Variants in AP5Z1 observed in about 807,000 individuals in gnomAD.
The protein encoded by AP5Z1 is AP-5 complex subunit zeta-1.
AP5Z1 carries 106 observed loss-of-function variants against 83.0 expected under a neutral mutation model. The observed-to-expected ratio is 1.28, with a 90% CI of 1.09 to 1.50. The LOEUF (loss-of-function observed/expected upper bound fraction) is 1.50, where lower values mean the gene tolerates loss of function less well. Ranked by LOEUF, AP5Z1 falls within the 40% of genes most tolerant of loss-of-function variation. The probability of loss-of-function intolerance (pLI) is 0.00; values close to 1 mark genes in which losing one functional copy is unlikely to be tolerated. For synonymous variants in AP5Z1, 751 were observed against 514.1 expected (o/e 1.46, Z -6.23); for missense variants, 1,565 against 1,094.2 (o/e 1.43, Z -6.07).
At position 4,783,805 on chromosome 7, in the gene AP5Z1, C is replaced by A; in HGVS notation, c.621+7C>A. 4 of 1,546,018 alleles carry A rather than the reference C, an allele frequency of 2.6e-6. No individual in the cohort carries two copies. The highest frequency in any genetic ancestry group is 3.5e-6 in the Non-Finnish European group (4 of 1,146,556). ...CACGCCCAGGGCCCGGCAGGTGAGG[C>A]TGGGACTGTTCTGGAACCATGGGGA... On this transcript the variant is annotated splice_region_variant and intron_variant, in intron 5 of 16. Transcript: ENST00000649063.
chr7:4,784,663 A>G (rs1208748719), intron 6 of AP5Z1, among the ~76,000 whole-genome samples: 1 of 152,106 alleles, frequency 6.6e-6, no homozygotes, highest in Non-Finnish European at 1.5e-5. Context: ...AGGTTGTTGG[A>G]GTGACGCCAC....
intron 1 of AP5Z1, among the ~76,000 whole-genome samples, chr7:4,777,353 C>CTTCATTTATTTA (rs369481207): frequency 4.7e-5 from 7 of 148,952 alleles, no homozygotes; most frequent in African/African-American, 1.8e-4. Flanking sequence ...GAAGAGCCCT[C>CTTCATTTATTTA]TTTATTTATT....
intron 1 of AP5Z1, among the ~76,000 whole-genome samples, chr7:4,780,681 G>A (rs559120271): frequency 2.7e-4 from 41 of 152,272 alleles, no homozygotes; most frequent in African/African-American, 9.6e-4. Context: ...CAGGAGAATT[G>A]CTTGAACCCC....
At position 4,787,857 on chromosome 7, in the gene AP5Z1, A is replaced by T. The variant is rs537920725; in HGVS notation, c.1454+81A>T. ...CTGGGCCCCCTCCTCGCTGCTCCTG[A>T]CCCCTACACCGGGGACCCTCCTTCT... On this transcript the variant is annotated intron_variant, in intron 11 of 16. Transcript: ENST00000649063. 8.7e-5 allele frequency: 125 copies of T among 1,440,686 alleles called. No individual in the cohort carries two copies. In the South Asian group the frequency reaches 1.5e-3, roughly 18 times the overall value. The allele number at this position is 1,440,686 out of a possible 1,614,324, so 89.2% of individuals were successfully genotyped here. A position where few individuals can be genotyped will look rare whatever the true frequency, so the allele number is the denominator to read the frequency against.
Position 4,790,577 on chromosome 7 carries a change from C to T in AP5Z1, c.1924C>T (p.Leu642Phe). Residue 642 changes from leucine (L) to phenylalanine (F), a missense_variant, in exon 15 of 17, where the codon CTC (leucine) becomes TTC (phenylalanine). Physicochemically the swap from Leu to Phe is conservative, Grantham distance 22. Coordinates refer to ENST00000649063, the MANE Select transcript of AP5Z1 (RefSeq NM_014855.3). ...GAATGGTCTCTGCAGCAGGGCGAGC[C>T]TCGTCACCAGCGTGGTAAGGCGGGC... ...SVNGLCSRASLVTSVVWAIGE... is the reference protein window; with the variant it reads ...SVNGLCSRASFVTSVVWAIGE... 6.2e-7 allele frequency: 1 copy of T among 1,613,048 alleles called. No homozygotes were observed. Among genetic ancestry groups the T allele is most frequent in the Non-Finnish European group, 8.5e-7 (1 of 1,179,858 alleles).
chr7:4,790,924 C>T (rs1562415234), intron 16 of AP5Z1, 37 bp downstream of exon 16: 3 of 1,546,014 alleles, frequency 1.9e-6, no homozygotes, highest in Non-Finnish European at 1.7e-6. Context: ...CTTCTGGCTC[C>T]TGGGGAAGAG....
rs755238205 is a variant in AP5Z1 at position 4,786,340 on chromosome 7, T to C, written c.1223T>C (p.Phe408Ser). Residue 408 changes from phenylalanine (F) to serine (S), a missense_variant, in exon 10 of 17, where the codon TTT becomes TCT. Phe to Ser is a radical substitution (Grantham distance 155). Coordinates refer to ENST00000649063, the MANE Select transcript of AP5Z1 (RefSeq NM_014855.3). ...CAGTTCCACAGCCCCATGCTGGCCTTTGAATTCATCCAGTTCTGCAGGGAC... is the reference window on the plus strand; with the variant it reads ...CAGTTCCACAGCCCCATGCTGGCCTCTGAATTCATCCAGTTCTGCAGGGAC... Reference protein sequence around the residue: ...VEQFHSPMLAFEFIQFCRDNL... With the variant: ...VEQFHSPMLASEFIQFCRDNL... 3.1e-6 allele frequency: 5 copies of C among 1,613,878 alleles called. No individual in the cohort carries two copies. Among genetic ancestry groups the C allele is most frequent in the South Asian group, 2.2e-5 (2 of 91,092 alleles).
rs755965893 is a variant in AP5Z1 at position 4,790,864 on chromosome 7, C to A, written c.2130C>A (p.Ser710=). ...TGACCACGCTGACGAAGCTGGCCTC[C>A]CGGAGCCAAGATCTGATCCCCAGGT... ...VLMTTLTKLA[S]RSQDLIPRAS... Residue 710 remains serine (S), a synonymous_variant, in exon 16 of 17, where the codon TCC becomes TCA. Coordinates refer to ENST00000649063, the MANE Select transcript of AP5Z1 (RefSeq NM_014855.3). 52 of 1,605,966 alleles carry A rather than the reference C, an allele frequency of 3.2e-5. No individual in the cohort carries two copies. The highest frequency in any genetic ancestry group is 4.1e-5 in the Non-Finnish European group (48 of 1,177,422).
At position 4,785,408 on chromosome 7, in the gene AP5Z1, C is replaced by G. The variant is rs772427804; in HGVS notation, c.932-7C>G. The G allele has an allele frequency of 6.2e-7, 1 of 1,612,774 alleles. No homozygotes were observed. Among genetic ancestry groups the G allele is most frequent in the Non-Finnish European group, 8.5e-7 (1 of 1,179,424 alleles). ...CAGAGCCGGCTGACTTTTTCCCCTC[C>G]TTCCAGGAGCCCTGAGGAAGGGGGA... On this transcript the variant is annotated splice_polypyrimidine_tract_variant and splice_region_variant and intron_variant, in intron 7 of 16. Transcript: ENST00000649063.
In AP5Z1 at chr7:4,789,218, G is replaced by A. The variant is rs565179492; in HGVS notation, c.1707+267G>A. ...CGGCAGGCCACGTCCCCCAATCCCC[G>A]TCCCATCCCCTTCATCCCGGCAGGT... On this transcript the variant is annotated intron_variant, in intron 13 of 16. Coordinates refer to ENST00000649063, the MANE Select transcript of AP5Z1 (RefSeq NM_014855.3). Among the ~76,000 whole-genome samples, 276 of 128,468 alleles carry A rather than the reference G, an allele frequency of 2.1e-3. 1 individual carries two copies. The highest frequency in any genetic ancestry group is 3.9e-3 in the Middle Eastern group (1 of 258). 84.3% of individuals were successfully genotyped at this position (128,468 alleles called of 152,430 possible).
chr7:4,781,714 G>A lies in AP5Z1; in HGVS notation c.326G>A (p.Ser109Asn), dbSNP rs1319923385. ...LSLAWDHTQNSRQLSLVASVL... is the reference protein window; with the variant it reads ...LSLAWDHTQNNRQLSLVASVL... ...CTGGCCTGGGACCACACGCAGAACA[G>A]CCGGCAGCTGAGCCTGGTGGCCTCC... Residue 109 changes from serine to asparagine, a missense_variant, in exon 3 of 17, where the codon AGC (serine) becomes AAC (asparagine). Physicochemically the swap from Ser to Asn is conservative, Grantham distance 46 (BLOSUM62 1). Coordinates refer to ENST00000649063, the MANE Select transcript of AP5Z1 (RefSeq NM_014855.3). 11 of 1,582,836 alleles carry A rather than the reference G, an allele frequency of 6.9e-6. No homozygotes were observed. Among genetic ancestry groups the A allele is most frequent in the Non-Finnish European group, 9.5e-6 (11 of 1,155,644 alleles).
At position 4,791,656 on chromosome 7, in the gene AP5Z1, C is replaced by T. The variant is rs1289419645; in HGVS notation, c.*271C>T. On this transcript the variant is annotated 3_prime_UTR_variant, in exon 17 of 17. Transcript: ENST00000649063. Reference sequence around the variant, plus strand: ...TGATTGGAGGCTTGAGGCCCTGTGGCTGGGTCGGGTGGAGGCTGCTGGGTC... The same window carrying T: ...TGATTGGAGGCTTGAGGCCCTGTGGTTGGGTCGGGTGGAGGCTGCTGGGTC... 5.7e-6 allele frequency: 3 copies of T among 525,460 alleles called. No individual in the cohort carries two copies. The highest frequency in any genetic ancestry group is 3.3e-5 in the South Asian group (1 of 30,004). 32.5% of individuals were successfully genotyped at this position (525,460 alleles called of 1,614,324 possible).
intron 7 of AP5Z1, 103 bp from the exon 8 acceptor site, chr7:4,785,312 C>A (rs559667147): frequency 2.7e-6 from 4 of 1,473,686 alleles, no homozygotes; most frequent in South Asian, 2.7e-5. Context: ...GTCCCACCCC[C>A]CTGCTCCCGG....
At chr7:4,777,205 G>A (rs1399664030) in intron 1 of AP5Z1, among the ~76,000 whole-genome samples, 3 of 151,970 alleles carry the variant, frequency 2.0e-5, no homozygotes, top group African/African-American at 4.8e-5. Flanking sequence ...ATATGAAAAT[G>A]AAAAATACTG....
intron 11 of AP5Z1, 45 bp from the exon 12 acceptor site, chr7:4,788,109 G>A (rs778061357): frequency 8.1e-6 from 12 of 1,483,816 alleles, no homozygotes; most frequent in Non-Finnish European, 9.9e-6. Context: ...GCCCTTGAGT[G>A]CAGGGGCCGC....
chr7:4,781,900 G>A lies in AP5Z1; in HGVS notation c.366+146G>A, dbSNP rs187529397. The stretch of plus-strand genomic sequence containing the variant: ...CTGAGTGCCTGGCACACTTGAGGCT[G>A]GGGCATGCCCTGTTGACTGGAACGG... On this transcript the variant is annotated intron_variant, in intron 3 of 16. Coordinates refer to ENST00000649063, the MANE Select transcript of AP5Z1 (RefSeq NM_014855.3). 200 of 1,022,966 alleles carry A rather than the reference G, an allele frequency of 2.0e-4. 1 individual carries two copies. The highest frequency in any genetic ancestry group is 2.5e-4 in the Non-Finnish European group (186 of 744,440). 63.4% of individuals were successfully genotyped at this position (1,022,966 alleles called of 1,614,324 possible).
At chr7:4,788,785 C>G (rs1781645326) in intron 12 of AP5Z1, 55 bp from the exon 13 acceptor site, 15 of 1,461,412 alleles carry the variant, frequency 1.0e-5, no homozygotes, top group African/African-American at 1.4e-5. Flanking sequence ...TGGCCCCGGC[C>G]TGCAGTCACC....
Position 4,788,873 on chromosome 7 carries a change from G to A in AP5Z1, c.1629G>A (p.Met543Ile). 1 of 1,609,884 alleles carries A rather than the reference G, an allele frequency of 6.2e-7. No homozygotes were observed. Residue 543 changes from methionine (M) to isoleucine (I), a missense_variant, in exon 13 of 17, where the codon ATG (methionine) becomes ATA (isoleucine). Met to Ile is a conservative substitution (Grantham distance 10). Coordinates refer to ENST00000649063, the MANE Select transcript of AP5Z1 (RefSeq NM_014855.3). The part of the protein sequence containing the change: ...LAPLHQLLQP[M>I]AGCARVAQCA... ...CACTCCACCAGCTGCTGCAGCCCAT[G>A]GCCGGCTGTGCCCGCGTGGCCCAGT...
chr7:4,781,159 C>G lies in AP5Z1; in HGVS notation c.42-16C>G. 1 of 1,612,556 alleles carries G rather than the reference C, an allele frequency of 6.2e-7. No homozygotes were observed. Among genetic ancestry groups the G allele is most frequent in the Non-Finnish European group, 8.5e-7 (1 of 1,178,818 alleles). ...AGCGAGTGCTTCTGGGTCCTGAAGTCCTCTTCTTTGTTTAGGGAGATCCAG... is the reference window on the plus strand; with the variant it reads ...AGCGAGTGCTTCTGGGTCCTGAAGTGCTCTTCTTTGTTTAGGGAGATCCAG... On this transcript the variant is annotated splice_polypyrimidine_tract_variant and intron_variant, in intron 1 of 16. Transcript: ENST00000649063.
Sources: allele counts gnomAD v4.1 joint callset (sites outside exome capture counted in the v4.1 genomes callset), GRCh38; gene constraint gnomAD v4.1.1; transcripts MANE v1.5; gene names NCBI Gene and HGNC (gene_info 2026-07-23, HGNC 2026-07-21).